ITGA8: variants seen among roughly 807,000 people sequenced by gnomAD.
The protein encoded by ITGA8 is integrin alpha-8.
In ITGA8, 91 loss-of-function variants were observed where a neutral mutation model predicts 142.3. The ratio of observed to expected loss-of-function variants is 0.64; its 90% CI spans 0.54 to 0.76. ITGA8 has a LOEUF of 0.76. Ranked by LOEUF, ITGA8 falls within the 30% of genes least tolerant of loss-of-function variation. The probability of loss-of-function intolerance (pLI) is 0.00; values close to 1 mark genes in which losing one functional copy is unlikely to be tolerated. For synonymous variants in ITGA8, 505 were observed against 485.2 expected (o/e 1.04, Z -0.54); for missense variants, 1,406 against 1,327.7 (o/e 1.06, Z -0.92).
chr10:15,582,572 A>G (rs1834428605), intron 23 of ITGA8, among the ~76,000 whole-genome samples: 1 of 152,260 alleles, frequency 6.6e-6, no homozygotes, highest in South Asian at 2.1e-4. Flanking sequence ...AAGAACTTCT[A>G]CAACTCGATA....
intron 8 of ITGA8, among the ~76,000 whole-genome samples, chr10:15,667,261 T>A (rs1254410010): frequency 1.3e-5 from 2 of 152,160 alleles, no homozygotes; most frequent in Non-Finnish European, 2.9e-5. Context: ...ATGTATGTGT[T>A]GAGGAATTTA....
At chr10:15,646,670 T>C (rs28722075) in intron 12 of ITGA8, among the ~76,000 whole-genome samples, 176 bp downstream of exon 12, 1,637 of 152,300 alleles carry the variant, frequency 0.011, 22 homozygotes, top group Middle Eastern at 0.041. Flanking sequence ...ATGTAATATT[T>C]ATATTAGTCA....
At chr10:15,701,594 T>G (rs1344838144) in intron 2 of ITGA8, among the ~76,000 whole-genome samples, 2 of 152,122 alleles carry the variant, frequency 1.3e-5, no homozygotes, top group African/African-American at 4.8e-5. Flanking sequence ...TTTAGCCTAG[T>G]GAAATGAGAG....
intron 13 of ITGA8, among the ~76,000 whole-genome samples, chr10:15,619,301 A>G (rs1833447721): frequency 6.6e-6 from 1 of 152,218 alleles, no homozygotes; most frequent in Non-Finnish European, 1.5e-5. Context: ...AAAATTTAAA[A>G]AAAAATGATC....
Position 15,605,788 on chromosome 10 carries a change from G to A in ITGA8, c.1906C>T (p.His636Tyr), listed in dbSNP as rs1190176411. 8.1e-6 allele frequency: 13 copies of A among 1,613,278 alleles called. No homozygotes were observed. Among genetic ancestry groups the A allele is most frequent in the South Asian group, 1.1e-5 (1 of 91,064 alleles). Residue 636 changes from histidine to tyrosine, a missense_variant, in exon 19 of 30, where the codon CAC (histidine) becomes TAC (tyrosine). Transcript: ENST00000378076. ...TCTTCTCCACAGTCCACCAGAATGT[G>A]AGCCTGTGTTGTATAAACGCACGTC... ...YRENIVSEQA[H>Y]ILVDCGEDNL... is the part of the protein sequence containing the mutation.
chr10:15,604,464 A>C, intron 19 of ITGA8, 109 bp from the exon 20 acceptor site: 2 of 810,580 alleles, frequency 2.5e-6, no homozygotes, highest in South Asian at 4.0e-5. Context: ...AGTGCAAAAA[A>C]AGAAGATGGA....
chr10:15,661,353 C>T (rs190399102), intron 8 of ITGA8, among the ~76,000 whole-genome samples: 115 of 152,262 alleles, frequency 7.6e-4, no homozygotes, highest in African/African-American at 2.5e-3. Flanking sequence ...CAAAACCATC[C>T]CTCACCCCCA....
At chr10:15,624,874 T>A (rs1422138781) in intron 13 of ITGA8, among the ~76,000 whole-genome samples, 1 of 152,204 alleles carries the variant, frequency 6.6e-6, no homozygotes, top group Non-Finnish European at 1.5e-5. Flanking sequence ...TCTGGCAATG[T>A]CCACTTGTGA....
chr10:15,536,753 T>C (rs544215460), intron 27 of ITGA8, among the ~76,000 whole-genome samples: 2 of 152,212 alleles, frequency 1.3e-5, no homozygotes, highest in Non-Finnish European at 2.9e-5. Flanking sequence ...CCATGGTTTG[T>C]AGCTCACTGG....
intron 14 of ITGA8, among the ~76,000 whole-genome samples, chr10:15,614,941 T>C (rs1433948175): frequency 6.6e-6 from 1 of 151,144 alleles, no homozygotes; most frequent in East Asian, 1.9e-4. Flanking sequence ...AGTGGGGAGA[T>C]GGAGGGGGCT....
At chr10:15,687,862 C>T (rs1046208629) in intron 3 of ITGA8, 76 bp downstream of exon 3, 12 of 901,014 alleles carry the variant, frequency 1.3e-5, no homozygotes, top group South Asian at 8.4e-5. Flanking sequence ...AAGAGCTTTC[C>T]TAAACATGAG....
intron 13 of ITGA8, among the ~76,000 whole-genome samples, chr10:15,632,960 A>G (rs901023115): frequency 6.6e-6 from 1 of 152,120 alleles, no homozygotes; most frequent in African/African-American, 2.4e-5. Flanking sequence ...TTGCTGCTAC[A>G]TCACGTGGTT....
At chr10:15,717,358 G>A (rs568320504) in intron 2 of ITGA8, among the ~76,000 whole-genome samples, 5 of 152,124 alleles carry the variant, frequency 3.3e-5, no homozygotes, top group East Asian at 3.9e-4. Context: ...CAAATGATTC[G>A]GATATGAATT....
intron 25 of ITGA8, among the ~76,000 whole-genome samples, chr10:15,565,145 T>A (rs1295385601): frequency 6.6e-6 from 1 of 152,202 alleles, no homozygotes; most frequent in Non-Finnish European, 1.5e-5. Context: ...TGGTCGAGAA[T>A]TGGATCTTCA....
At chr10:15,533,030 A>G (rs1472292989) in intron 27 of ITGA8, among the ~76,000 whole-genome samples, 3 of 152,126 alleles carry the variant, frequency 2.0e-5, no homozygotes, top group Non-Finnish European at 4.4e-5. Flanking sequence ...GGCAAATGTT[A>G]CGGATCGGGG....
intron 2 of ITGA8, among the ~76,000 whole-genome samples, chr10:15,714,069 T>A (rs1158669670): frequency 6.6e-6 from 1 of 152,204 alleles, no homozygotes; most frequent in African/African-American, 2.4e-5. Context: ...AGTGCTTTGA[T>A]GATTATCATA....
chr10:15,605,033 G>A lies in ITGA8; in HGVS notation c.1971-678C>T, dbSNP rs555472107. Among the ~76,000 whole-genome samples, 3 of 152,190 alleles carry A rather than the reference G, an allele frequency of 2.0e-5. No individual in the cohort carries two copies. In the South Asian group the frequency reaches 6.2e-4, roughly 32 times the overall value. On this transcript the variant is annotated intron_variant, in intron 19 of 29. Transcript: ENST00000378076. ...AAGTTGATAAATTATGAAATTTGGG[G>A]GAAGTCCCTCTGAGAAGTTACCAAG...
intron 13 of ITGA8, among the ~76,000 whole-genome samples, chr10:15,621,182 T>C (rs1833484327): frequency 6.6e-6 from 1 of 151,952 alleles, no homozygotes; most frequent in African/African-American, 2.4e-5. Flanking sequence ...TTTTTTTTTT[T>C]CCTGGAGGAA....
At chr10:15,631,223 C>A (rs1362080243) in intron 13 of ITGA8, among the ~76,000 whole-genome samples, 1 of 151,850 alleles carries the variant, frequency 6.6e-6, no homozygotes, top group Non-Finnish European at 1.5e-5. Context: ...TGGGTACATA[C>A]CCAAAGGATT....
Sources: allele counts gnomAD v4.1 joint callset (sites outside exome capture counted in the v4.1 genomes callset), GRCh38; gene constraint gnomAD v4.1.1; transcripts MANE v1.5; gene names NCBI Gene and HGNC (gene_info 2026-07-23, HGNC 2026-07-21).